COL3A1: variants seen among roughly 807,000 people sequenced by gnomAD.
COL3A1 encodes collagen type III alpha 1 chain.
In COL3A1, 46 loss-of-function variants were observed where a neutral mutation model predicts 200.9. The ratio of observed to expected loss-of-function variants is 0.23; its 90% CI spans 0.18 to 0.29. COL3A1 has a LOEUF of 0.29. Ranked by LOEUF, COL3A1 falls within the 10% of genes least tolerant of loss-of-function variation. The pLI is 1.00. For synonymous variants in COL3A1, 650 were observed against 628.0 expected (o/e 1.03, Z -0.52); for missense variants, 1,367 against 1,917.6 (o/e 0.71, Z 5.36).
chr2:189,010,636 T>G lies in COL3A1; in HGVS notation c.4012-12T>G. On this transcript the variant is annotated splice_polypyrimidine_tract_variant and intron_variant, in intron 49 of 50. Coordinates refer to ENST00000304636, the MANE Select transcript of COL3A1 (RefSeq NM_000090.4). ...GAAATGTTTGATCTGTTTTATTTGTTCCCTATTACAGTTTAGCTACGGCAA... is the reference window on the plus strand; with the variant it reads ...GAAATGTTTGATCTGTTTTATTTGTGCCCTATTACAGTTTAGCTACGGCAA... 2 of 1,614,160 alleles carry G rather than the reference T, an allele frequency of 1.2e-6. No individual in the cohort carries two copies. The highest frequency in any genetic ancestry group is 1.7e-6 in the Non-Finnish European group (2 of 1,179,984).
chr2:188,993,556 T>C, intron 16 of COL3A1, 97 bp downstream of exon 16: 3 of 1,052,162 alleles, frequency 2.9e-6, no homozygotes, highest in Non-Finnish European at 4.3e-6. Flanking sequence ...TGCTTCAATA[T>C]GGCTATCAGT....
At chr2:188,997,561 C>T (rs961831945) in intron 26 of COL3A1, 139 bp from the exon 27 acceptor site, 2 of 1,118,368 alleles carry the variant, frequency 1.8e-6, no homozygotes, top group Non-Finnish European at 1.3e-6. Flanking sequence ...TTAGAGTGTA[C>T]ATGTGTGCTT....
intron 7 of COL3A1, among the ~76,000 whole-genome samples, chr2:188,989,000 A>C (rs1688121121): frequency 1.3e-5 from 2 of 151,776 alleles, no homozygotes; most frequent in South Asian, 4.1e-4. Context: ...AAATATACAT[A>C]TACATATATC....
intron 4 of COL3A1, 76 bp downstream of exon 4, chr2:188,985,854 GTCTCACTATT>G (rs1247570132): frequency 1.0e-6 from 1 of 960,508 alleles, no homozygotes; most frequent in Non-Finnish European, 1.7e-6. Flanking sequence ...TCGATATTAC[GTCTCACTATT>G]ATGAGTTCTT....
intron 29 of COL3A1, among the ~76,000 whole-genome samples, chr2:188,998,999 A>C (rs1397327850): frequency 6.6e-6 from 1 of 152,244 alleles, no homozygotes; most frequent in Non-Finnish European, 1.5e-5. Flanking sequence ...CTATGTAGGA[A>C]AACTGTTTTG....
At chr2:188,997,141 A>G (rs1394782190) in intron 24 of COL3A1, 24 bp from the exon 25 acceptor site, 6 of 1,612,732 alleles carry the variant, frequency 3.7e-6, no homozygotes, top group Non-Finnish European at 5.1e-6. Flanking sequence ...GAGGATTAGT[A>G]AATACCGACC....
chr2:189,007,206 GATA>G (rs1469242041), intron 44 of COL3A1, among the ~76,000 whole-genome samples: 13 of 109,608 alleles, frequency 1.2e-4, no homozygotes, highest in African/African-American at 3.6e-4. Flanking sequence ...TAGATAGATA[GATA>G]GAACAAATAT....
At chr2:188,980,693 T>C (rs1687934632) in intron 1 of COL3A1, among the ~76,000 whole-genome samples, 1 of 150,762 alleles carries the variant, frequency 6.6e-6, no homozygotes, top group Admixed American at 6.6e-5. Context: ...TTCTTCAGAG[T>C]CCTTTTTGTT....
In COL3A1 at chr2:189,008,102, C is replaced by A; in HGVS notation, c.3485C>A (p.Pro1162Gln). 1 of 1,613,918 alleles carries A rather than the reference C, an allele frequency of 6.2e-7. No individual in the cohort carries two copies. Among genetic ancestry groups the A allele is most frequent in the Admixed American group, 1.7e-5 (1 of 59,982 alleles). ...AGTGGACATCCAGGTCCCATTGGAC[C>A]ACCAGGGCCTCGAGGTAACAGAGGT... is the stretch of plus-strand genomic sequence containing the variant. ...GTSGHPGPIG[P>Q]PGPRGNRGER... Residue 1162 changes from proline (P) to glutamine (Q), a missense_variant, in exon 47 of 51, where the codon CCA becomes CAA. Pro to Gln is a moderately conservative substitution (Grantham distance 76). Transcript: ENST00000304636.
Position 189,011,935 on chromosome 2 carries a change from CT to C in COL3A1, c.*168del. On this transcript the variant is annotated 3_prime_UTR_variant, in exon 51 of 51. Transcript: ENST00000304636. ...TTTGACAAAGAAAAATGATACTTCT[CT>C]TTTTTTGCTGTTCCACCAAATACAA... 2.7e-6 allele frequency: 2 copies of C among 747,492 alleles called. No individual in the cohort carries two copies. Among genetic ancestry groups the C allele is most frequent in the Admixed American group, 2.8e-5 (1 of 36,188 alleles). The allele number at this position is 747,492 out of a possible 1,614,324, so 46.3% of individuals were successfully genotyped here.
At chr2:188,983,327 G>A (rs973143404) in intron 1 of COL3A1, among the ~76,000 whole-genome samples, 1 of 151,906 alleles carries the variant, frequency 6.6e-6, no homozygotes, top group African/African-American at 2.4e-5. Flanking sequence ...AACTTCTTGA[G>A]TAGATCAAGT....
At chr2:188,980,160 T>G (rs1687919615) in intron 1 of COL3A1, among the ~76,000 whole-genome samples, 1 of 151,604 alleles carries the variant, frequency 6.6e-6, no homozygotes, top group Non-Finnish European at 1.5e-5. Flanking sequence ...TTAAAGTTGT[T>G]TGCCAAATGT....
Position 188,997,371 on chromosome 2 carries a change from G to A in COL3A1, c.1851G>A (p.Gln617=), listed in dbSNP as rs7579903. ...GAAAGAATGGTGAAACTGGACCTCAGGGACCCCCAGGGCCTACTGTAAGTT... is the reference window on the plus strand; with the variant it reads ...GAAAGAATGGTGAAACTGGACCTCAAGGACCCCCAGGGCCTACTGTAAGTT... ...PPGKNGETGP[Q]GPPGPTGPGG... The change falls in exon 26 of 51, where the codon CAG becomes CAA. Residue 617 remains glutamine (Q), a synonymous_variant. Coordinates refer to ENST00000304636, the MANE Select transcript of COL3A1 (RefSeq NM_000090.4). 0.14 allele frequency: 226,328 copies of A among 1,608,662 alleles called. 17,343 individuals are homozygous for A. The highest frequency in any genetic ancestry group is 0.22 in the African/African-American group (16,465 of 74,760).
In COL3A1 at chr2:188,991,710, T is replaced by A. The variant is rs758034549; in HGVS notation, c.939T>A (p.Leu313=). The A allele has an allele frequency of 1.2e-6, 2 of 1,614,020 alleles. 1 individual carries two copies. The highest frequency in any genetic ancestry group is 2.2e-5 in the South Asian group (2 of 91,074). The change falls in exon 13 of 51, where the codon CTT becomes CTA. Residue 313 remains leucine (L), a synonymous_variant. Coordinates refer to ENST00000304636, the MANE Select transcript of COL3A1 (RefSeq NM_000090.4). ...CTGGTGAGCGAGGACGGCCAGGACT[T>A]CCTGGGGCTGCAGTGAGTATAGCTG... ...GAPGERGRPG[L]PGAAGARGND...
At chr2:188,975,932 C>G (rs1266727540) in intron 1 of COL3A1, among the ~76,000 whole-genome samples, 3 of 151,890 alleles carry the variant, frequency 2.0e-5, no homozygotes, top group Non-Finnish European at 4.4e-5. Flanking sequence ...CCTCTGTCTT[C>G]CCTGCCTGTT....
At chr2:188,984,693 C>A in intron 1 of COL3A1, 67 bp from the exon 2 acceptor site, 1 of 1,409,890 alleles carries the variant, frequency 7.1e-7, no homozygotes, top group Non-Finnish European at 1.0e-6. Flanking sequence ...ATAGTCCTAA[C>A]AGAGTAACAA....
intron 16 of COL3A1, 107 bp from the exon 17 acceptor site, chr2:188,993,931 A>G: frequency 1.9e-6 from 2 of 1,053,202 alleles, no homozygotes; most frequent in Non-Finnish European, 1.4e-6. Flanking sequence ...CTTAATCTCT[A>G]CAAAGCATAA....
chr2:189,006,922 AT>A lies in COL3A1; in HGVS notation c.3202-14del, dbSNP rs767971610. The A allele has an allele frequency of 4.5e-4, 731 of 1,612,948 alleles. 4 individuals carry two copies. Among genetic ancestry groups the A allele is most frequent in the Non-Finnish European group, 9.6e-5 (113 of 1,179,506 alleles). On this transcript the variant is annotated splice_polypyrimidine_tract_variant and intron_variant, in intron 43 of 50. Coordinates refer to ENST00000304636, the MANE Select transcript of COL3A1 (RefSeq NM_000090.4). The stretch of plus-strand genomic sequence containing the variant: ...GTTCCGTGTATGTCTTCTCAATTGA[AT>A]GTTTTCATCTTAGGGCCCTGCTGGC...
chr2:188,993,497 A>G (rs960992292), intron 16 of COL3A1, 38 bp downstream of exon 16: 1 of 1,443,376 alleles, frequency 6.9e-7, no homozygotes, highest in South Asian at 1.2e-5. Flanking sequence ...GCATAGTTTC[A>G]TGCTTACTCC....
Sources: allele counts gnomAD v4.1 joint callset (sites outside exome capture counted in the v4.1 genomes callset), GRCh38; gene constraint gnomAD v4.1.1; transcripts MANE v1.5; gene names NCBI Gene and HGNC (gene_info 2026-07-23, HGNC 2026-07-21).